AKAP19: variants seen among roughly 807,000 people sequenced by gnomAD.
The protein encoded by AKAP19 is small A-kinase anchoring protein.
At chr2:190,062,616 TC>T in the AKAP19 span, 1 of 1,606,712 alleles carries the variant, frequency 6.2e-7, no homozygotes, top group Non-Finnish European at 8.5e-7. Context: ...ATCAATATAA[TC>T]TTTTTTCTTG....
chr2:190,122,361 T>C, the AKAP19 span, among the ~76,000 whole-genome samples: 1 of 152,226 alleles, frequency 6.6e-6, no homozygotes, highest in Non-Finnish European at 1.5e-5. Flanking sequence ...GTTAATTTTA[T>C]GTATTTTCTA....
At chr2:190,091,304 C>T in the AKAP19 span, among the ~76,000 whole-genome samples, 2 of 152,108 alleles carry the variant, frequency 1.3e-5, no homozygotes, top group African/African-American at 4.8e-5. Flanking sequence ...TTCTAAAAGA[C>T]TGAAAAATAT....
At chr2:190,075,323 G>A in the AKAP19 span, among the ~76,000 whole-genome samples, 1 of 152,026 alleles carries the variant, frequency 6.6e-6, no homozygotes, top group African/African-American at 2.4e-5. Context: ...CTATCTTGGT[G>A]AATGTTTCAT....
At chr2:190,118,875 A>G in the AKAP19 span, among the ~76,000 whole-genome samples, 3 of 152,194 alleles carry the variant, frequency 2.0e-5, no homozygotes, top group African/African-American at 7.2e-5. Flanking sequence ...CAGGGCAATC[A>G]GGCAGGAGAA....
the AKAP19 span, among the ~76,000 whole-genome samples, chr2:189,984,530 G>C: frequency 6.6e-6 from 1 of 152,088 alleles, no homozygotes; most frequent in Non-Finnish European, 1.5e-5. Context: ...CACACATGCT[G>C]TACAATTTGT....
At chr2:190,063,458 C>T in the AKAP19 span, among the ~76,000 whole-genome samples, 1 of 151,956 alleles carries the variant, frequency 6.6e-6, no homozygotes, top group South Asian at 2.1e-4. Context: ...ATGTGTTTTT[C>T]ATTGTTTATT....
chr2:190,110,515 G>T, the AKAP19 span, among the ~76,000 whole-genome samples: 1 of 152,096 alleles, frequency 6.6e-6, no homozygotes, highest in African/African-American at 2.4e-5. Flanking sequence ...CCTGGAGTTA[G>T]CCCAGATTCT....
the AKAP19 span, among the ~76,000 whole-genome samples, chr2:190,122,966 T>C: frequency 6.6e-6 from 1 of 152,106 alleles, no homozygotes; most frequent in South Asian, 2.1e-4. Context: ...TATACCACCA[T>C]GCCTGGCTAA....
the AKAP19 span, among the ~76,000 whole-genome samples, chr2:190,003,169 C>T: frequency 6.6e-6 from 1 of 152,096 alleles, no homozygotes; most frequent in Non-Finnish European, 1.5e-5. Flanking sequence ...GGAATTCATA[C>T]TGACCTCTTT....
chr2:189,888,098 T>C, the AKAP19 span, among the ~76,000 whole-genome samples: 8 of 152,346 alleles, frequency 5.3e-5, no homozygotes, highest in Middle Eastern at 3.4e-3. Flanking sequence ...AGGTCTTATG[T>C]TTAAGTCTTT....
At chr2:190,051,953 T>G in the AKAP19 span, among the ~76,000 whole-genome samples, 1 of 151,970 alleles carries the variant, frequency 6.6e-6, no homozygotes, top group Non-Finnish European at 1.5e-5. Context: ...TTCTCCTGCC[T>G]CAGCCTCCTC....
At chr2:189,977,334 AC>A in the AKAP19 span, among the ~76,000 whole-genome samples, 1 of 152,196 alleles carries the variant, frequency 6.6e-6, no homozygotes, top group Non-Finnish European at 1.5e-5. Context: ...AAAGTGAGTT[AC>A]TTTTTTTCTT....
At chr2:189,918,842 C>A in the AKAP19 span, among the ~76,000 whole-genome samples, 3 of 152,082 alleles carry the variant, frequency 2.0e-5, no homozygotes, top group Non-Finnish European at 4.4e-5. Flanking sequence ...AAAGTACTGG[C>A]ACATAGTATA....
the AKAP19 span, chr2:189,930,230 T>C: frequency 4.1e-6 from 1 of 241,846 alleles, no homozygotes; most frequent in Non-Finnish European, 8.2e-6. Flanking sequence ...CCCCCCAACA[T>C]GATGGTTCAC....
the AKAP19 span, chr2:190,189,761 A>G: frequency 6.6e-6 from 1 of 152,208 alleles, no homozygotes; most frequent in African/African-American, 2.4e-5. Flanking sequence ...TTTCTCATTT[A>G]TTGCCATCAT....
the AKAP19 span, among the ~76,000 whole-genome samples, chr2:190,012,511 T>G: frequency 6.6e-6 from 1 of 152,244 alleles, no homozygotes; most frequent in Non-Finnish European, 1.5e-5. Context: ...CAAACAGTTT[T>G]TTGATGGAGC....
the AKAP19 span, among the ~76,000 whole-genome samples, chr2:189,920,830 T>C: frequency 1.3e-5 from 2 of 152,186 alleles, no homozygotes; most frequent in African/African-American, 4.8e-5. Context: ...GCCTGCCCAC[T>C]CACCCTGTCT....
the AKAP19 span, among the ~76,000 whole-genome samples, chr2:189,920,469 A>G: frequency 6.6e-6 from 1 of 152,218 alleles, no homozygotes; most frequent in African/African-American, 2.4e-5. Context: ...CCCAGCAGCA[A>G]GCAAGGCTAA....
the AKAP19 span, among the ~76,000 whole-genome samples, chr2:189,999,864 T>C: frequency 3.9e-5 from 6 of 152,334 alleles, no homozygotes; most frequent in East Asian, 1.9e-4. Context: ...AACTTTGTTT[T>C]TGGACATATG....
Sources: gnomAD v4.1 joint callset for allele counts (sites outside exome capture counted in the v4.1 genomes callset) on GRCh38, gnomAD v4.1.1 for gene constraint, MANE v1.5 for transcripts, NCBI Gene and HGNC (gene_info 2026-07-23, HGNC 2026-07-21) for gene names.